Variants in NPSR1 observed in about 807,000 individuals in gnomAD.
The protein encoded by NPSR1 is neuropeptide S receptor 1, also known as neuropeptide S receptor.
NPSR1 carries 48 observed loss-of-function variants against 46.9 expected under a neutral mutation model. The ratio of observed to expected loss-of-function variants is 1.02; its 90% CI spans 0.81 to 1.30. NPSR1 has a LOEUF of 1.30. Ranked by LOEUF, NPSR1 falls within the 50% of genes most tolerant of loss-of-function variation. The pLI is 0.00. For missense variants in NPSR1, 450 were observed against 449.5 expected, an observed-to-expected ratio of 1.00 and a Z score of -0.01; for synonymous variants, 176 against 168.1, an observed-to-expected ratio of 1.05 and a Z score of -0.36.
intron 4 of NPSR1, among the ~76,000 whole-genome samples, chr7:34,820,623 G>C (rs1381293324): frequency 6.6e-6 from 1 of 152,204 alleles, no homozygotes; most frequent in Non-Finnish European, 1.5e-5. Flanking sequence ...AAGGTGGTCA[G>C]GGTGCAGCTT....
Position 34,849,549 on chromosome 7 carries a change from T to C in NPSR1, c.1026-16T>C, listed in dbSNP as rs746814072. ...TCAAATTATTTCCCTCCCTGCTTTATTTTGACTTTCTCCAGGGAGCAAAGA... is the reference window on the plus strand; with the variant it reads ...TCAAATTATTTCCCTCCCTGCTTTACTTTGACTTTCTCCAGGGAGCAAAGA... On this transcript the variant is annotated splice_polypyrimidine_tract_variant and intron_variant, in intron 8 of 8. Coordinates refer to ENST00000360581, the MANE Select transcript of NPSR1 (RefSeq NM_207172.2). 2.9e-5 allele frequency: 46 copies of C among 1,613,856 alleles called. No homozygotes were observed. The highest frequency in any genetic ancestry group is 1.5e-4 in the Admixed American group (9 of 60,010).
intron 2 of NPSR1, chr7:34,686,078 G>C (rs1230113492): frequency 6.6e-6 from 1 of 152,422 alleles, no homozygotes; most frequent in East Asian, 1.9e-4. Context: ...CAGAATGAAA[G>C]GATTTAGAGG....
chr7:34,703,470 TC>T (rs1483784458), intron 2 of NPSR1, among the ~76,000 whole-genome samples: 1 of 151,972 alleles, frequency 6.6e-6, no homozygotes, highest in African/African-American at 2.4e-5. Context: ...GTCTTATTTT[TC>T]CCCCTACAAT....
At chr7:34,744,086 A>G (rs1451542394) in intron 2 of NPSR1, among the ~76,000 whole-genome samples, 1 of 152,166 alleles carries the variant, frequency 6.6e-6, no homozygotes, top group Non-Finnish European at 1.5e-5. Flanking sequence ...GAACTTGCTA[A>G]AATCTGAAGT....
chr7:34,877,255 T>TG (rs1487906362), intron 8 of NPSR1, among the ~76,000 whole-genome samples: 1 of 151,708 alleles, frequency 6.6e-6, no homozygotes, highest in Non-Finnish European at 1.5e-5. Context: ...CTTGGATGCA[T>TG]GGGGGTGTGG....
intron 2 of NPSR1, among the ~76,000 whole-genome samples, chr7:34,735,974 T>TA (rs1431892985): frequency 6.6e-6 from 1 of 152,158 alleles, no homozygotes; most frequent in Non-Finnish European, 1.5e-5. Context: ...TCCAGCTATA[T>TA]AAAAAAGTGA....
chr7:34,821,985 G>C (rs1057311364), intron 4 of NPSR1, among the ~76,000 whole-genome samples: 10 of 152,160 alleles, frequency 6.6e-5, no homozygotes, highest in Non-Finnish European at 5.9e-5. Context: ...TCTGGAATGA[G>C]AGCCAAGGAA....
intron 2 of NPSR1, among the ~76,000 whole-genome samples, chr7:34,756,459 AC>A (rs1181127323): frequency 2.0e-5 from 3 of 152,214 alleles, no homozygotes; most frequent in Non-Finnish European, 4.4e-5. Context: ...ACAGGGGTCA[AC>A]CAAATTTCTC....
At chr7:34,737,961 A>C (rs1784759073) in intron 2 of NPSR1, among the ~76,000 whole-genome samples, 1 of 152,222 alleles carries the variant, frequency 6.6e-6, no homozygotes, top group African/African-American at 2.4e-5. Context: ...ACCGGAATGG[A>C]AACTCTGTCC....
rs575875319 is a variant in NPSR1 at position 34,866,979 on chromosome 7, A to C, written c.1026-11097A>C. Among the ~76,000 whole-genome samples, 8 of 151,862 alleles carry C rather than the reference A, an allele frequency of 5.3e-5. No individual in the cohort carries two copies. The East Asian group carries it at 1.4e-3, about 26-fold the overall frequency. On this transcript the variant is annotated intron_variant, in intron 8 of 8. Coordinates refer to the NPSR1 transcript ENST00000359791. Reference sequence around the variant, plus strand: ...TTCTGGGGATGGGAGAACTAAAGCCAGGCCTCAGTGTCATCTTTCCACCCA... The same window carrying C: ...TTCTGGGGATGGGAGAACTAAAGCCCGGCCTCAGTGTCATCTTTCCACCCA...
chr7:34,707,219 A>T (rs1408363351), intron 2 of NPSR1, among the ~76,000 whole-genome samples: 1 of 152,188 alleles, frequency 6.6e-6, no homozygotes, highest in Non-Finnish European at 1.5e-5. Flanking sequence ...GATCTTTAGG[A>T]AGCCAGAACT....
intron 1 of NPSR1, among the ~76,000 whole-genome samples, chr7:34,671,987 C>T (rs534461269): frequency 2.0e-4 from 31 of 152,114 alleles, no homozygotes; most frequent in Non-Finnish European, 3.2e-4. Flanking sequence ...ATTTTAATTA[C>T]GTGGATCATC....
intron 6 of NPSR1, among the ~76,000 whole-genome samples, chr7:34,835,249 TACAC>T (rs1200962975): frequency 6.6e-6 from 1 of 152,176 alleles, no homozygotes; most frequent in Non-Finnish European, 1.5e-5. Context: ...TGCACACACA[TACAC>T]ACAATGTAGG....
At chr7:34,692,828 C>T (rs752954610) in intron 2 of NPSR1, among the ~76,000 whole-genome samples, 1 of 152,044 alleles carries the variant, frequency 6.6e-6, no homozygotes, top group Non-Finnish European at 1.5e-5. Flanking sequence ...AAACAAGAAA[C>T]AGGAGAGATG....
intron 3 of NPSR1, among the ~76,000 whole-genome samples, chr7:34,802,863 T>C (rs1335703769): frequency 6.7e-6 from 1 of 149,994 alleles, no homozygotes; most frequent in Non-Finnish European, 1.5e-5. Flanking sequence ...CTCAAACAAA[T>C]TTACAAGAAA....
intron 8 of NPSR1, among the ~76,000 whole-genome samples, chr7:34,877,015 C>T (rs1791592802): frequency 6.6e-6 from 1 of 152,250 alleles, no homozygotes; most frequent in Admixed American, 6.5e-5. Flanking sequence ...CCTGGGCCTG[C>T]CCCCCACTCC....
At chr7:34,706,584 T>A (rs2128699452) in intron 2 of NPSR1, among the ~76,000 whole-genome samples, 1 of 152,288 alleles carries the variant, frequency 6.6e-6, no homozygotes, top group Middle Eastern at 3.4e-3. Context: ...TTGTATTATC[T>A]GGTGCCTTTT....
downstream of NPSR1, among the ~76,000 whole-genome samples, chr7:34,853,846 A>T (rs540959821): frequency 2.6e-5 from 4 of 152,180 alleles, no homozygotes; most frequent in South Asian, 8.3e-4. Context: ...GCCGCCTGTA[A>T]TCTCAGCTAC....
At chr7:34,747,455 A>G (rs1227188785) in intron 2 of NPSR1, among the ~76,000 whole-genome samples, 1 of 152,258 alleles carries the variant, frequency 6.6e-6, no homozygotes, top group East Asian at 1.9e-4. Context: ...AACAAGAGCC[A>G]TGCCTTTGTG....
Sources: allele counts gnomAD v4.1 joint callset (sites outside exome capture counted in the v4.1 genomes callset), GRCh38; gene constraint gnomAD v4.1.1; transcripts MANE v1.5; gene names NCBI Gene and HGNC (gene_info 2026-07-23, HGNC 2026-07-21).